The following LSAMP variants were observed in gnomAD, a reference collection of about 807,000 sequenced individuals.
The protein encoded by LSAMP is limbic system-associated membrane protein.
Under a neutral mutation model 38.6 loss-of-function variants are expected in LSAMP, and 7 were observed. The observed-to-expected ratio is 0.18, with a 90% CI of 0.10 to 0.34. The LOEUF is 0.34. LSAMP is among the 10% of genes least tolerant of loss of function. The probability of loss-of-function intolerance (pLI) is 1.00; values close to 1 mark genes in which losing one functional copy is unlikely to be tolerated. For missense variants in LSAMP, 313 were observed against 420.0 expected (o/e 0.75, Z 2.23); for synonymous variants, 154 against 166.8 (o/e 0.92, Z 0.59).
At chr3:116,256,744 T>A (rs746652348) in intron 1 of LSAMP, among the ~76,000 whole-genome samples, 2 of 152,102 alleles carry the variant, frequency 1.3e-5, no homozygotes, top group African/African-American at 4.8e-5. Context: ...CACTTTTCTA[T>A]GAGTGGAATA....
intron 1 of LSAMP, among the ~76,000 whole-genome samples, chr3:116,337,425 C>T (rs1224333027): frequency 2.0e-5 from 3 of 151,994 alleles, no homozygotes; most frequent in Non-Finnish European, 2.9e-5. Context: ...TCCATTGCTC[C>T]ATCTAGTGCT....
chr3:116,066,542 C>T (rs1477019593), intron 2 of LSAMP, among the ~76,000 whole-genome samples: 3 of 152,196 alleles, frequency 2.0e-5, no homozygotes, highest in African/African-American at 7.2e-5. Flanking sequence ...CCTCTTCACT[C>T]ATTAGAATTC....
chr3:116,300,805 GCAATGATCTGT>G (rs2047397219), intron 1 of LSAMP, among the ~76,000 whole-genome samples: 1 of 152,072 alleles, frequency 6.6e-6, no homozygotes, highest in Non-Finnish European at 1.5e-5. Flanking sequence ...TAAACTTCTA[GCAATGATCTGT>G]CAAGTCTCTT....
intron 1 of LSAMP, among the ~76,000 whole-genome samples, chr3:116,201,370 C>T (rs1308612119): frequency 6.6e-6 from 1 of 152,166 alleles, no homozygotes; most frequent in East Asian, 1.9e-4. Context: ...AAGGCAGGGA[C>T]AGTGTCTTAG....
chr3:115,940,588 T>C (rs1937886322), intron 3 of LSAMP, among the ~76,000 whole-genome samples: 1 of 152,206 alleles, frequency 6.6e-6, no homozygotes. Context: ...TTTTTGTATA[T>C]GATATAAGGC....
intron 1 of LSAMP, among the ~76,000 whole-genome samples, chr3:116,198,616 A>C (rs1468076554): frequency 6.6e-6 from 1 of 150,630 alleles, no homozygotes; most frequent in Non-Finnish European, 1.5e-5. Flanking sequence ...AAAAAAATAC[A>C]AAAAATTAGC....
chr3:116,087,367 T>G (rs1708015649), intron 1 of LSAMP, among the ~76,000 whole-genome samples: 1 of 152,186 alleles, frequency 6.6e-6, no homozygotes, highest in African/African-American at 2.4e-5. Context: ...TTTCTGAAAT[T>G]TGAAAGGGGC....
intron 1 of LSAMP, among the ~76,000 whole-genome samples, chr3:116,427,679 A>C (rs1409412153): frequency 3.3e-5 from 5 of 152,274 alleles, no homozygotes; most frequent in African/African-American, 1.2e-4. Flanking sequence ...TTAGAGGTAA[A>C]CCCTCGGAAT....
chr3:116,439,224 T>C (rs1237807024), intron 1 of LSAMP, among the ~76,000 whole-genome samples: 3 of 152,140 alleles, frequency 2.0e-5, no homozygotes, highest in Non-Finnish European at 4.4e-5. Context: ...AATGCAGTGC[T>C]TCTCCAACCT....
At chr3:116,185,291 C>CT (rs986456533) in intron 1 of LSAMP, among the ~76,000 whole-genome samples, 1 of 151,862 alleles carries the variant, frequency 6.6e-6, no homozygotes, top group African/African-American at 2.4e-5. Context: ...CTTATCATGT[C>CT]TTTTTTCCCC....
chr3:116,353,072 TG>T (rs1320302017), intron 1 of LSAMP, among the ~76,000 whole-genome samples: 1 of 152,116 alleles, frequency 6.6e-6, no homozygotes, highest in African/African-American at 2.4e-5. Flanking sequence ...TTCAAAGACA[TG>T]TTCTGGGTGG....
chr3:115,947,080 G>T (rs935416219), intron 3 of LSAMP, among the ~76,000 whole-genome samples: 1 of 151,934 alleles, frequency 6.6e-6, no homozygotes, highest in Non-Finnish European at 1.5e-5. Flanking sequence ...GCAAAATAAG[G>T]ATTTATTAAA....
Position 115,925,975 on chromosome 3 carries a change from C to T in LSAMP, c.515-73358G>A, listed in dbSNP as rs1011048409. ...AAAACAATGAAAGAGAATTGAAGAACATTAATGATGATTACATGTGATAGA... is the reference window on the plus strand; with the variant it reads ...AAAACAATGAAAGAGAATTGAAGAATATTAATGATGATTACATGTGATAGA... On this transcript the variant is annotated intron_variant, in intron 3 of 6. Coordinates refer to ENST00000490035, the MANE Select transcript of LSAMP (RefSeq NM_002338.5). 2.0e-5 allele frequency among the ~76,000 whole-genome samples: 3 copies of T among 151,768 alleles called. No homozygotes were observed. The East Asian group carries it at 5.8e-4, about 29-fold the overall frequency.
At chr3:115,828,716 C>T (rs1205855214) in intron 6 of LSAMP, among the ~76,000 whole-genome samples, 1 of 152,216 alleles carries the variant, frequency 6.6e-6, no homozygotes, top group Non-Finnish European at 1.5e-5. Flanking sequence ...TTACTTAAAC[C>T]TAATCCCCAA....
In LSAMP at chr3:116,147,639, C is replaced by T. The variant is rs568520491; in HGVS notation, c.156-61083G>A. Among the ~76,000 whole-genome samples the T allele has an allele frequency of 3.3e-5, 5 of 152,006 alleles. No homozygotes were observed. The South Asian group carries it at 8.3e-4, about 25-fold the overall frequency. ...TATGGTTAGAACATCCAACTCCTTACTCTTTTTACAAAACTAGGGCTGAAT... is the reference window on the plus strand; with the variant it reads ...TATGGTTAGAACATCCAACTCCTTATTCTTTTTACAAAACTAGGGCTGAAT... On this transcript the variant is annotated intron_variant, in intron 1 of 6. Transcript: ENST00000490035.
chr3:116,070,563 T>C (rs1017814918), intron 2 of LSAMP, among the ~76,000 whole-genome samples: 26 of 152,150 alleles, frequency 1.7e-4, no homozygotes, highest in Non-Finnish European at 3.1e-4. Flanking sequence ...AGGTCCTGAT[T>C]TAAGTGTTCT....
chr3:115,890,527 C>T (rs1341705854), intron 3 of LSAMP, among the ~76,000 whole-genome samples: 1 of 151,882 alleles, frequency 6.6e-6, no homozygotes, highest in African/African-American at 2.4e-5. Context: ...GTTCTCACAG[C>T]CGGTTGAAGT....
chr3:116,143,015 A>G (rs944528318), intron 1 of LSAMP, among the ~76,000 whole-genome samples: 3 of 148,778 alleles, frequency 2.0e-5, no homozygotes, highest in Non-Finnish European at 3.0e-5. Context: ...CTTATTATAT[A>G]TAAAAATATA....
intron 3 of LSAMP, among the ~76,000 whole-genome samples, chr3:116,003,488 T>A (rs974594511): frequency 2.0e-5 from 3 of 152,210 alleles, no homozygotes; most frequent in Non-Finnish European, 4.4e-5. Flanking sequence ...CTCTAATCTT[T>A]TTATTCTTTA....
Sources: allele counts gnomAD v4.1 joint callset (sites outside exome capture counted in the v4.1 genomes callset), GRCh38; gene constraint gnomAD v4.1.1; transcripts MANE v1.5; gene names NCBI Gene and HGNC (gene_info 2026-07-23, HGNC 2026-07-21).